The following PLEKHG4B variants were observed in gnomAD, a reference collection of about 807,000 sequenced individuals.
The protein encoded by PLEKHG4B is pleckstrin homology domain-containing family G member 4B.
In PLEKHG4B, 111 loss-of-function variants were observed where a neutral mutation model predicts 121.3. That is an observed-to-expected ratio of 0.92 (90% CI 0.78 to 1.07). The LOEUF is 1.07. Among genes scored for constraint, PLEKHG4B ranks in the 50% least tolerant of loss-of-function variants. The pLI, the probability that PLEKHG4B is intolerant of heterozygous loss-of-function variation, is 0.00. For missense variants in PLEKHG4B, 1,831 were observed against 1,757.8 expected (o/e 1.04, Z -0.74); for synonymous variants, 738 against 725.0 (o/e 1.02, Z -0.29).
At position 161,938 on chromosome 5, in the gene PLEKHG4B, C is replaced by T. The variant is rs145013757; in HGVS notation, c.2643C>T (p.Cys881=). The change falls in exon 12 of 20, where the codon TGC becomes TGT. Residue 881 remains cysteine, a synonymous_variant. Transcript: ENST00000637938. ...GGTGGACCCGCTCGTCCGAGTTGTG[C>T]GAGACGGTAAGAGACCCAGTGGGCG... ...LARWTRSSEL[C]ETVSSWMGPL... 2.9e-4 allele frequency: 464 copies of T among 1,609,622 alleles called. No homozygotes were observed. Among genetic ancestry groups the T allele is most frequent in the East Asian group, 7.1e-4 (32 of 44,824 alleles).
intron 13 of PLEKHG4B, among the ~76,000 whole-genome samples, chr5:167,305 T>C (rs1288567518): frequency 6.6e-6 from 1 of 152,026 alleles, no homozygotes; most frequent in Non-Finnish European, 1.5e-5. Flanking sequence ...TATGCAGGAG[T>C]GAAGGGGACA....
intron 18 of PLEKHG4B, among the ~76,000 whole-genome samples, chr5:175,631 C>T (rs1298324766): frequency 1.7e-4 from 22 of 128,456 alleles, no homozygotes; most frequent in East Asian, 4.7e-4. Flanking sequence ...CAGGCAGACA[C>T]GACCAGGGCT....
At position 158,576 on chromosome 5, in the gene PLEKHG4B, G is replaced by A. The variant is rs567163001; in HGVS notation, c.2487+1665G>A. Among the ~76,000 whole-genome samples the A allele has an allele frequency of 3.9e-4, 54 of 139,856 alleles. 1 individual carries two copies. The highest frequency in any genetic ancestry group is 1.5e-5 in the Non-Finnish European group (1 of 65,328). The allele number at this position is 139,856 out of a possible 152,430, so 91.8% of individuals were successfully genotyped here. ...CCCCTCCTCCCTCTGCCCGTCCTGG[G>A]AGTCTCCTTCATCTTCCCCTCCTCG... On this transcript the variant is annotated intron_variant, in intron 11 of 19. Coordinates refer to ENST00000637938, the MANE Select transcript of PLEKHG4B (RefSeq NM_052909.5).
chr5:170,555 C>T (rs1168520009), intron 14 of PLEKHG4B, among the ~76,000 whole-genome samples: 1 of 152,340 alleles, frequency 6.6e-6, no homozygotes, highest in East Asian at 1.9e-4. Context: ...CCGCTTCAGC[C>T]TCCCAAAGTG....
At position 182,074 on chromosome 5, in the gene PLEKHG4B, C is replaced by T. The variant is rs760915699; in HGVS notation, c.4635C>T (p.Ser1545=). The T allele has an allele frequency of 2.5e-6, 4 of 1,614,202 alleles. No individual in the cohort carries two copies. The highest frequency in any genetic ancestry group is 3.4e-6 in the Non-Finnish European group (4 of 1,180,044). The change falls in exon 20 of 20, where the codon TCC becomes TCT. Residue 1545 remains serine (S), a synonymous_variant. Transcript: ENST00000637938. Reference sequence around the variant, plus strand: ...CCGCCCCCTTCAAGCGACCACACTCCACCATCTCAGACAGCAGCACCTCCT... The same window carrying T: ...CCGCCCCCTTCAAGCGACCACACTCTACCATCTCAGACAGCAGCACCTCCT... ...DHAAPFKRPH[S]TISDSSTSSS...
chr5:94,134 G>A (rs1279422333), intron 1 of PLEKHG4B, among the ~76,000 whole-genome samples: 1 of 152,186 alleles, frequency 6.6e-6, no homozygotes, highest in Non-Finnish European at 1.5e-5. Flanking sequence ...AAGCAGCAAA[G>A]CTAGGTTTGA....
chr5:168,032 C>T (rs2126450058), intron 13 of PLEKHG4B, among the ~76,000 whole-genome samples: 1 of 152,342 alleles, frequency 6.6e-6, no homozygotes, highest in South Asian at 2.1e-4. Context: ...CCTCTCCACT[C>T]TCTCAGGGCA....
rs1459008442 is a variant in PLEKHG4B at position 139,079 on chromosome 5, A to G, written c.244-404A>G. The stretch of plus-strand genomic sequence containing the variant: ...GAGTGCAGAGGAGGGAGCCCCCCAT[A>G]GGGTGGCCCTGACCAGGGCTGGCAG... On this transcript the variant is annotated intron_variant, in intron 2 of 19. Transcript: ENST00000637938. The surrounding 1 kb of genome is among the most constrained non-coding windows in gnomAD (Gnocchi z 5.0). 2.0e-5 allele frequency among the ~76,000 whole-genome samples: 3 copies of G among 152,144 alleles called. No individual in the cohort carries two copies. The highest frequency in any genetic ancestry group is 7.2e-5 in the African/African-American group (3 of 41,420).
intron 1 of PLEKHG4B, among the ~76,000 whole-genome samples, chr5:112,937 C>T (rs1734199649): frequency 6.6e-6 from 1 of 152,072 alleles, no homozygotes; most frequent in African/African-American, 2.4e-5. Flanking sequence ...TTGGTTGTGC[C>T]TCAGTGTGAG....
intron 1 of PLEKHG4B, among the ~76,000 whole-genome samples, chr5:112,648 A>T (rs1734190199): frequency 6.6e-6 from 1 of 152,254 alleles, no homozygotes; most frequent in African/African-American, 2.4e-5. Flanking sequence ...ACAATTCAGC[A>T]GCCTTGAGGA....
intron 1 of PLEKHG4B, among the ~76,000 whole-genome samples, chr5:98,837 CTTTTTT>C (rs925964165): frequency 1.3e-5 from 1 of 79,238 alleles, no homozygotes; most frequent in African/African-American, 5.2e-5. Flanking sequence ...TTGAATTTTC[CTTTTTT>C]TTTTTTTTTT....
chr5:135,162 T>C (rs1579270146), intron 2 of PLEKHG4B, among the ~76,000 whole-genome samples: 1 of 123,778 alleles, frequency 8.1e-6, no homozygotes. Flanking sequence ...CACTCCAGCC[T>C]GGGTGACAGA....
At chr5:173,686 G>A (rs1044039948) in intron 17 of PLEKHG4B, among the ~76,000 whole-genome samples, 3 of 151,438 alleles carry the variant, frequency 2.0e-5, no homozygotes, top group Non-Finnish European at 2.9e-5. Context: ...AGTCACTCAC[G>A]AGCAGCCTCA....
rs1735114041 is a variant in PLEKHG4B at position 140,209 on chromosome 5, C to T, written c.970C>T (p.Leu324Phe). The change falls in exon 3 of 20, where the codon CTC (leucine) becomes TTC (phenylalanine). Residue 324 changes from leucine (L) to phenylalanine (F), a missense_variant. Transcript: ENST00000637938. Reference sequence around the variant, plus strand: ...GGACCAGGAGGACAGACCCAAGGCCCTCACCTTCCACACAGACCTGGGCAT... The same window carrying T: ...GGACCAGGAGGACAGACCCAAGGCCTTCACCTTCCACACAGACCTGGGCAT... ...PMDQEDRPKA[L>F]TFHTDLGIPS... The T allele has an allele frequency of 2.7e-5, 35 of 1,313,992 alleles. No individual in the cohort carries two copies. The highest frequency in any genetic ancestry group is 3.3e-5 in the Non-Finnish European group (32 of 978,582). 81.4% of individuals were successfully genotyped at this position (1,313,992 alleles called of 1,614,324 possible).
intron 6 of PLEKHG4B, among the ~76,000 whole-genome samples, chr5:147,249 C>T (rs1164896750): frequency 6.6e-6 from 1 of 152,244 alleles, no homozygotes; most frequent in Non-Finnish European, 1.5e-5. Flanking sequence ...AGGAAAGCCT[C>T]AGGGAGGCCT....
In PLEKHG4B at chr5:159,684, G is replaced by A. The variant is rs1202437134; in HGVS notation, c.2488-2099G>A. Among the ~76,000 whole-genome samples, 2 of 152,144 alleles carry A rather than the reference G, an allele frequency of 1.3e-5. No homozygotes were observed. Among genetic ancestry groups the A allele is most frequent in the African/African-American group, 2.4e-5 (1 of 41,418 alleles). On this transcript the variant is annotated intron_variant, in intron 11 of 19. Transcript: ENST00000637938. The surrounding 1 kb of genome is among the most constrained non-coding windows in gnomAD (Gnocchi z 5.5). ...CCTGGCTAGGAAGCCTGTGGCCCACGCATCTTTAGCATTTTCTCCCTGGCG... is the reference window on the plus strand; with the variant it reads ...CCTGGCTAGGAAGCCTGTGGCCCACACATCTTTAGCATTTTCTCCCTGGCG...
chr5:144,364 A>G (rs144327172), intron 5 of PLEKHG4B, among the ~76,000 whole-genome samples: 1 of 152,234 alleles, frequency 6.6e-6, no homozygotes, highest in East Asian at 1.9e-4. Context: ...ATGTTCTAAC[A>G]GTCTTAGCTT....
intron 1 of PLEKHG4B, among the ~76,000 whole-genome samples, chr5:110,161 A>AAC (rs1734100136): frequency 7.4e-6 from 1 of 135,284 alleles, no homozygotes; most frequent in Non-Finnish European, 1.5e-5. Context: ...TCCAGTCTGC[A>AAC]ACACGTGCAC....
chr5:158,162 C>T (rs555411433), intron 11 of PLEKHG4B, among the ~76,000 whole-genome samples: 2 of 151,930 alleles, frequency 1.3e-5, no homozygotes, highest in African/African-American at 2.4e-5. Flanking sequence ...CATCTCCCCT[C>T]CTCCCTCTGC....
Sources: allele counts gnomAD v4.1 joint callset (sites outside exome capture counted in the v4.1 genomes callset), GRCh38; gene constraint gnomAD v4.1.1; non-coding constraint Gnocchi (gnomAD v3.1); transcripts MANE v1.5; gene names NCBI Gene and HGNC (gene_info 2026-07-23, HGNC 2026-07-21).